Variants in FRMD4B observed in about 807,000 individuals in gnomAD.
FRMD4B encodes the protein FERM domain containing 4B.
In FRMD4B, 74 loss-of-function variants were observed where a neutral mutation model predicts 141.5. The ratio of observed to expected loss-of-function variants is 0.52; its 90% CI spans 0.43 to 0.63. The LOEUF is 0.63. FRMD4B is among the 30% of genes least tolerant of loss of function. The probability of loss-of-function intolerance (pLI) is 0.00; values close to 1 mark genes in which losing one functional copy is unlikely to be tolerated. For synonymous variants in FRMD4B, 506 were observed against 467.9 expected (o/e 1.08, Z -1.05); for missense variants, 1,366 against 1,253.4 (o/e 1.09, Z -1.36).
chr3:69,229,763 A>G (rs2093287949), intron 7 of FRMD4B, among the ~76,000 whole-genome samples: 1 of 152,156 alleles, frequency 6.6e-6, no homozygotes, highest in African/African-American at 2.4e-5. Context: ...GCTGCAGTGC[A>G]GTCGTGCGAT....
intron 5 of FRMD4B, among the ~76,000 whole-genome samples, chr3:69,269,598 A>T (rs1308901986): frequency 6.6e-6 from 1 of 152,142 alleles, no homozygotes; most frequent in Non-Finnish European, 1.5e-5. Flanking sequence ...GGTGTCCAAC[A>T]CCCCTGAATT....
At chr3:69,498,205 C>T (rs1010854562) in intron 1 of FRMD4B, among the ~76,000 whole-genome samples, 3 of 152,150 alleles carry the variant, frequency 2.0e-5, no homozygotes, top group African/African-American at 7.2e-5. Context: ...AGGAGGACAC[C>T]AGAATCAAGC....
rs898496500 is a variant in FRMD4B, at chr3:69,386,056, T to G, written c.-67A>C. On this transcript the variant is annotated 5_prime_UTR_variant, in exon 1 of 23. Transcript: ENST00000398540. ...ACGTGCAGCCCCGACCCCAGCGGCC[T>G]GCCCGCCTGGGCTCCCGACGCCGGC... 41 of 1,331,902 alleles carry G rather than the reference T, an allele frequency of 3.1e-5. No individual in the cohort carries two copies. The East Asian group carries it at 1.2e-3, about 40-fold the overall frequency. 82.5% of individuals were successfully genotyped at this position (1,331,902 alleles called of 1,614,324 possible).
At chr3:69,363,264 T>TTTTTTTA (rs1553730501) in intron 1 of FRMD4B, among the ~76,000 whole-genome samples, 2 of 150,520 alleles carry the variant, frequency 1.3e-5, no homozygotes, top group South Asian at 4.2e-4. Flanking sequence ...TTTTTTTTTT[T>TTTTTTTA]AAATAGAGAT....
chr3:69,198,537 G>A, intron 12 of FRMD4B, 161 bp downstream of exon 12: 2 of 601,316 alleles, frequency 3.3e-6, no homozygotes, highest in Non-Finnish European at 3.0e-6. Flanking sequence ...ATTCCTCAGA[G>A]GGTTAAAGAT....
chr3:69,212,346 C>T (rs1365820611), intron 11 of FRMD4B, among the ~76,000 whole-genome samples: 29 of 87,880 alleles, frequency 3.3e-4, no homozygotes, highest in East Asian at 6.8e-4. Context: ...GGCAACAGAG[C>T]GAAACCCCGT....
intron 1 of FRMD4B, among the ~76,000 whole-genome samples, chr3:69,488,902 A>C (rs1706261966): frequency 6.6e-6 from 1 of 151,506 alleles, no homozygotes; most frequent in East Asian, 1.9e-4. Flanking sequence ...AAAAAAAAAA[A>C]AAAAAAAAAA....
intron 3 of FRMD4B, among the ~76,000 whole-genome samples, chr3:69,305,903 A>G (rs1426268657): frequency 6.6e-6 from 1 of 152,220 alleles, no homozygotes; most frequent in African/African-American, 2.4e-5. Context: ...TTAAATATTG[A>G]TGAACATTTT....
intron 1 of FRMD4B, among the ~76,000 whole-genome samples, chr3:69,447,006 C>T (rs917832904): frequency 1.3e-5 from 2 of 151,832 alleles, no homozygotes; most frequent in South Asian, 4.2e-4. Context: ...TTTTTTAATG[C>T]TAGGGAAATT....
Position 69,385,847 on chromosome 3 carries a change from C to T in FRMD4B, c.143G>A (p.Gly48Glu). ...GCTCACCTGGTACACGTCCTGCAGC[C>T]CGCACCACGTCCGCAGCACCTGGTG... The part of the protein sequence containing the change: ...ACHQVLRTWC[G>E]LQDVYQMTEG... Residue 48 changes from glycine to glutamate, a missense_variant, in exon 1 of 23, where the codon GGG becomes GAG. Gly to Glu is a moderately conservative substitution (Grantham distance 98, BLOSUM62 -2). Coordinates refer to ENST00000398540, the MANE Select transcript of FRMD4B (RefSeq NM_015123.3). The T allele has an allele frequency of 1.3e-6, 2 of 1,593,392 alleles. No homozygotes were observed. Among genetic ancestry groups the T allele is most frequent in the East Asian group, 2.3e-5 (1 of 43,780 alleles).
At chr3:69,285,165 A>G (rs1355414504) in intron 5 of FRMD4B, among the ~76,000 whole-genome samples, 3 of 152,216 alleles carry the variant, frequency 2.0e-5, no homozygotes, top group Non-Finnish European at 4.4e-5. Context: ...CTCTGTCTCA[A>G]AAAATAAAAC....
At chr3:69,219,361 A>G (rs2093171952) in intron 9 of FRMD4B, among the ~76,000 whole-genome samples, 1 of 152,124 alleles carries the variant, frequency 6.6e-6, no homozygotes, top group Non-Finnish European at 1.5e-5. Flanking sequence ...TTTGATGATC[A>G]ATTTCTCCAG....
intron 1 of FRMD4B, among the ~76,000 whole-genome samples, chr3:69,512,815 A>T (rs1706710576): frequency 6.6e-6 from 1 of 152,334 alleles, no homozygotes; most frequent in Admixed American, 6.5e-5. Context: ...TAAGCAACCA[A>T]TGGGTCAAAA....
Position 69,195,101 on chromosome 3 carries a change from A to G in FRMD4B, c.1409T>C (p.Ile470Thr), listed in dbSNP as rs200021902. 1.0e-4 allele frequency: 161 copies of G among 1,613,912 alleles called. No individual in the cohort carries two copies. The African/African-American group carries it at 2.0e-3, about 20-fold the overall frequency. The change falls in exon 16 of 23, where the codon ATA becomes ACA. Residue 470 changes from isoleucine to threonine, a missense_variant. Physicochemically the swap from Ile to Thr is moderately conservative, Grantham distance 89 (BLOSUM62 -1). Coordinates refer to ENST00000398540, the MANE Select transcript of FRMD4B (RefSeq NM_015123.3). The stretch of plus-strand genomic sequence containing the variant: ...TCTGACCTGAGGAGGCTTCTCGCCT[A>G]TGTTCAGGGGATACTCCTTTGGCAT... ...GKMPKEYPLN[I>T]GEKPPQVRRR...
chr3:69,217,801 C>T (rs1448079390), intron 10 of FRMD4B, among the ~76,000 whole-genome samples: 14 of 152,092 alleles, frequency 9.2e-5, no homozygotes, highest in Non-Finnish European at 1.5e-5. Flanking sequence ...AACAAGATAT[C>T]CTTAACACTT....
chr3:69,282,525 T>C (rs1270711150), intron 5 of FRMD4B, among the ~76,000 whole-genome samples: 3 of 152,230 alleles, frequency 2.0e-5, no homozygotes, highest in African/African-American at 7.2e-5. Flanking sequence ...ATATTCCTTA[T>C]GTGGAATGTT....
intron 1 of FRMD4B, among the ~76,000 whole-genome samples, chr3:69,520,716 A>G (rs1700841872): frequency 6.6e-6 from 1 of 152,088 alleles, no homozygotes; most frequent in African/African-American, 2.4e-5. Context: ...ATCTCAAAGC[A>G]TCCTCAGTGG....
At chr3:69,347,367 C>T (rs1702982578) in intron 1 of FRMD4B, among the ~76,000 whole-genome samples, 1 of 152,058 alleles carries the variant, frequency 6.6e-6, no homozygotes, top group Admixed American at 6.6e-5. Flanking sequence ...ACTTAGACTC[C>T]CACACAATAA....
chr3:69,212,359 C>CAAAAAAAAAAAAAAAAAAAAAA (rs869309749), intron 11 of FRMD4B, among the ~76,000 whole-genome samples: 65 of 25,336 alleles, frequency 2.6e-3, no homozygotes, highest in Non-Finnish European at 3.4e-3. Context: ...AACCCCGTCT[C>CAAAAAAAAAAAAAAAAAAAAAA]AAAAAAAAAA....
Sources: gnomAD v4.1 joint callset for allele counts (sites outside exome capture counted in the v4.1 genomes callset) on GRCh38, gnomAD v4.1.1 for gene constraint, MANE v1.5 for transcripts, NCBI Gene and HGNC (gene_info 2026-07-23, HGNC 2026-07-21) for gene names.